RP1: variants seen among roughly 807,000 people sequenced by gnomAD.
RP1 encodes the protein oxygen-regulated protein 1.
A neutral mutation model predicts 14.8 loss-of-function variants in RP1; 16 were observed. That is an observed-to-expected ratio of 1.08 (90% CI 0.73 to 1.65). The LOEUF is 1.65. Among genes scored for constraint, RP1 ranks in the 40% most tolerant of loss-of-function variants. RP1 has a pLI of 0.00. For missense variants in RP1, 2,631 were observed against 2,535.0 expected, an observed-to-expected ratio of 1.04 and a Z score of -0.81; for synonymous variants, 876 against 883.6, an observed-to-expected ratio of 0.99 and a Z score of 0.15.
At chr8:54,709,987 G>A (rs1055159709) in intron 15 of RP1, among the ~76,000 whole-genome samples, 1 of 152,146 alleles carries the variant, frequency 6.6e-6, no homozygotes, top group Non-Finnish European at 1.5e-5. Context: ...ATGTGGATGA[G>A]GTATTGGCTG....
intron 1 of RP1, among the ~76,000 whole-genome samples, chr8:54,564,563 T>C (rs1424647579): frequency 6.6e-6 from 1 of 152,168 alleles, no homozygotes; most frequent in Non-Finnish European, 1.5e-5. Context: ...GTTTCACAGA[T>C]GACAAAAACA....
At chr8:54,709,769 T>C (rs1310613446) in intron 15 of RP1, among the ~76,000 whole-genome samples, 1 of 152,220 alleles carries the variant, frequency 6.6e-6, no homozygotes, top group African/African-American at 2.4e-5. Context: ...CTGAGGCCTC[T>C]GAAGGCAACA....
chr8:54,844,981 C>T (rs1811880006), intron 25 of RP1, among the ~76,000 whole-genome samples: 1 of 152,170 alleles, frequency 6.6e-6, no homozygotes, highest in South Asian at 2.1e-4. Flanking sequence ...TAGGTCCCCA[C>T]CTCACCCCTC....
intron 1 of RP1, among the ~76,000 whole-genome samples, chr8:54,565,439 C>T (rs1318451681): frequency 6.6e-6 from 1 of 152,146 alleles, no homozygotes; most frequent in Non-Finnish European, 1.5e-5. Flanking sequence ...GTGTCATGCG[C>T]CTGTAATCCC....
At chr8:54,864,667 G>A (rs1812420933) in intron 27 of RP1, among the ~76,000 whole-genome samples, 1 of 152,182 alleles carries the variant, frequency 6.6e-6, no homozygotes, top group Admixed American at 6.6e-5. Flanking sequence ...TCAAGTTTGT[G>A]TGAAGGGGAA....
In RP1 at chr8:54,624,749, C is replaced by G. The variant is rs1390234892; in HGVS notation, c.867C>G (p.Tyr289Ter). The G allele has an allele frequency of 6.2e-7, 1 of 1,613,780 alleles. No homozygotes were observed. Among genetic ancestry groups the G allele is most frequent in the African/African-American group, 1.3e-5 (1 of 74,924 alleles). ...SSEKTHNNDC[Y>*]LDYSFVPEKY... ...AGAAAACACATAATAATGATTGCTA[C>G]TTAGACTATTCTTTTGTTCCTGAAA... The change falls in exon 4 of 4, where the codon TAC (tyrosine) becomes TAG (stop). Residue 289 changes from tyrosine to a stop codon, truncating the protein, a stop_gained. Coordinates refer to ENST00000220676, the MANE Select transcript of RP1 (RefSeq NM_006269.2). LOFTEE classifies it low-confidence loss of function (END_TRUNC).
At chr8:54,723,649 G>A (rs932907485) in intron 16 of RP1, among the ~76,000 whole-genome samples, 5 of 152,028 alleles carry the variant, frequency 3.3e-5, no homozygotes, top group Middle Eastern at 3.2e-3. Flanking sequence ...TTGATTATCC[G>A]GATATGTGGG....
intron 23 of RP1, among the ~76,000 whole-genome samples, chr8:54,777,910 GA>G (rs1281063059): frequency 6.6e-6 from 1 of 152,104 alleles, no homozygotes; most frequent in African/African-American, 2.4e-5. Flanking sequence ...TCCTTTGTGT[GA>G]AAAATGACAC....
At chr8:54,714,901 C>A (rs1461604659) in intron 15 of RP1, among the ~76,000 whole-genome samples, 1 of 152,194 alleles carries the variant, frequency 6.6e-6, no homozygotes, top group Non-Finnish European at 1.5e-5. Context: ...AAGATTTCCC[C>A]TATCAGGGGC....
rs374931762 is a variant in RP1 at position 54,621,111 on chromosome 8, G to A, written c.145G>A (p.Gly49Ser). 20 of 1,613,992 alleles carry A rather than the reference G, an allele frequency of 1.2e-5. No homozygotes were observed. The highest frequency in any genetic ancestry group is 3.3e-5 in the South Asian group (3 of 91,084). The part of the protein sequence containing the change: ...SFYKSGDPQF[G>S]GVRVVVNPRS... ...CTACAAGAGCGGAGACCCCCAATTC[G>A]GCGGGGTCAGGGTGGTGGTCAACCC... The change falls in exon 2 of 4, where the codon GGC becomes AGC. Residue 49 changes from glycine to serine, a missense_variant. Gly to Ser is a moderately conservative substitution (Grantham distance 56). Coordinates refer to ENST00000220676, the MANE Select transcript of RP1 (RefSeq NM_006269.2).
At position 54,696,863 on chromosome 8, in the gene RP1, G is replaced by A. The variant is rs1350298043; in HGVS notation, c.1718-2604G>A. ...TGTCCAGTAACTCATTTTGAAATGT[G>A]GACAAGCCAAGGTCAAGAATAAGAT... On this transcript the variant is annotated intron_variant, in intron 12 of 22. Transcript: ENST00000636932. 7.9e-6 allele frequency: 6 copies of A among 761,488 alleles called. No individual in the cohort carries two copies. The African/African-American group carries it at 8.5e-5, about 11-fold the overall frequency. The allele number at this position is 761,488 out of a possible 1,614,324, so 47.2% of individuals were successfully genotyped here. A position where few individuals can be genotyped will look rare whatever the true frequency, so the allele number is the denominator to read the frequency against.
intron 3 of RP1, among the ~76,000 whole-genome samples, chr8:54,646,851 A>G (rs748855746): frequency 6.6e-6 from 1 of 152,144 alleles, no homozygotes; most frequent in Non-Finnish European, 1.5e-5. Flanking sequence ...TGCATTTCTA[A>G]GACAGAAGTA....
chr8:54,658,732 T>A (rs1256838690), intron 6 of RP1, among the ~76,000 whole-genome samples: 1 of 152,186 alleles, frequency 6.6e-6, no homozygotes, highest in African/African-American at 2.4e-5. Flanking sequence ...TACTTTGAAC[T>A]CTTTTGGGTG....
chr8:54,833,800 A>G (rs773210108), intron 24 of RP1, among the ~76,000 whole-genome samples: 1 of 152,074 alleles, frequency 6.6e-6, no homozygotes, highest in Non-Finnish European at 1.5e-5. Flanking sequence ...CAAAGTATTA[A>G]TAAGAACATT....
upstream of RP1, among the ~76,000 whole-genome samples, chr8:54,614,758 G>T (rs1294165952): frequency 1.3e-5 from 2 of 151,878 alleles, no homozygotes; most frequent in Non-Finnish European, 2.9e-5. Flanking sequence ...AACCTTTTTT[G>T]GTTCTTTTGA....
intron 10 of RP1, chr8:54,679,508 G>T (rs977639222): frequency 6.5e-7 from 1 of 1,535,776 alleles, no homozygotes; most frequent in East Asian, 2.4e-5. Context: ...TAGGTATCAT[G>T]TATACACATT....
intron 1 of RP1, among the ~76,000 whole-genome samples, chr8:54,598,856 T>C (rs1805207635): frequency 6.6e-6 from 1 of 152,220 alleles, no homozygotes; most frequent in Admixed American, 6.5e-5. Context: ...CCCTTTTCCC[T>C]TACAGGTAAT....
intron 12 of RP1, among the ~76,000 whole-genome samples, chr8:54,688,355 G>A (rs549345995): frequency 1.3e-3 from 200 of 152,214 alleles, no homozygotes; most frequent in Non-Finnish European, 2.5e-3. Context: ...TGTTGCCATC[G>A]CTTTTGGTGT....
chr8:54,669,560 A>G (rs940913984), intron 7 of RP1, among the ~76,000 whole-genome samples: 2 of 152,226 alleles, frequency 1.3e-5, no homozygotes, highest in Non-Finnish European at 2.9e-5. Flanking sequence ...TCATGCTGCT[A>G]TAAAGACACG....
Sources: allele counts gnomAD v4.1 joint callset (sites outside exome capture counted in the v4.1 genomes callset), GRCh38; gene constraint gnomAD v4.1.1; transcripts MANE v1.5; gene names NCBI Gene and HGNC (gene_info 2026-07-23, HGNC 2026-07-21).